The following NBAS variants were observed in gnomAD, a reference collection of about 807,000 sequenced individuals.
The protein encoded by NBAS is NAG/BC035112 fusion.
In NBAS, 219 loss-of-function variants were observed where a neutral mutation model predicts 302.5. The observed-to-expected ratio is 0.72, with a 90% CI of 0.65 to 0.81. The LOEUF (loss-of-function observed/expected upper bound fraction) is 0.81, where lower values mean the gene tolerates loss of function less well. Among genes scored for constraint, NBAS ranks in the 30% least tolerant of loss-of-function variants. NBAS has a pLI of 0.00. For missense variants in NBAS, 2,932 were observed against 2,841.6 expected, an observed-to-expected ratio of 1.03 and a Z score of -0.72; for synonymous variants, 1,118 against 1,021.6, an observed-to-expected ratio of 1.09 and a Z score of -1.80.
chr2:14,840,170 C>G, the NBAS span, among the ~76,000 whole-genome samples: 1 of 151,542 alleles, frequency 6.6e-6, no homozygotes, highest in Non-Finnish European at 1.5e-5. Flanking sequence ...CTCTCAGAAG[C>G]ATAATATTTC....
the NBAS span, among the ~76,000 whole-genome samples, chr2:14,977,764 T>G: frequency 2.6e-5 from 4 of 152,290 alleles, no homozygotes; most frequent in African/African-American, 9.6e-5. Context: ...AGGGTCAAGT[T>G]TCTCTTAGTC....
chr2:15,327,762 G>A lies in NBAS; in HGVS notation c.4570C>T (p.Pro1524Ser). Residue 1524 changes from proline (P) to serine (S), a missense_variant, in exon 38 of 52, where the codon CCA (proline) becomes TCA (serine). By Grantham distance (74) the Pro-to-Ser change is moderately conservative. Coordinates refer to ENST00000281513, the MANE Select transcript of NBAS (RefSeq NM_015909.4). ...CCTTCTCTCTTACCTTCAGTTGTTG[G>A]AAATACTTCTCCTTTATTTTTAGCC... ...AEAKNKGEVF[P>S]TTEVLLQLAS... 1.2e-6 allele frequency: 2 copies of A among 1,613,548 alleles called. No individual in the cohort carries two copies. The highest frequency in any genetic ancestry group is 1.1e-5 in the South Asian group (1 of 91,058).
chr2:15,441,925 A>G (rs1377238303), intron 21 of NBAS, among the ~76,000 whole-genome samples: 3 of 150,032 alleles, frequency 2.0e-5, no homozygotes, highest in East Asian at 1.9e-4. Flanking sequence ...ATTACATAAT[A>G]GTAAAGGGAT....
At chr2:15,489,314 C>T (rs1438886836) in intron 11 of NBAS, among the ~76,000 whole-genome samples, 1 of 152,046 alleles carries the variant, frequency 6.6e-6, no homozygotes, top group Non-Finnish European at 1.5e-5. Flanking sequence ...TATTTCTTCA[C>T]ATATCAATTA....
the NBAS span, among the ~76,000 whole-genome samples, chr2:14,840,108 GA>G: frequency 6.6e-6 from 1 of 151,714 alleles, no homozygotes; most frequent in Non-Finnish European, 1.5e-5. Context: ...AAATCAAACA[GA>G]AATCTTGGAA....
chr2:14,838,049 G>A, the NBAS span, among the ~76,000 whole-genome samples: 5 of 151,808 alleles, frequency 3.3e-5, no homozygotes, highest in Non-Finnish European at 7.4e-5. Flanking sequence ...TCTAACTGGA[G>A]CTGGTTTGTT....
chr2:15,324,714 C>G (rs1190331691), intron 38 of NBAS, among the ~76,000 whole-genome samples: 2 of 152,194 alleles, frequency 1.3e-5, no homozygotes, highest in African/African-American at 4.8e-5. Flanking sequence ...AGGGCTAGCA[C>G]ACAGGTGGCT....
intron 21 of NBAS, among the ~76,000 whole-genome samples, chr2:15,445,082 T>C (rs1268131991): frequency 5.9e-5 from 9 of 151,780 alleles, no homozygotes; most frequent in Admixed American, 2.6e-4. Flanking sequence ...TCAACCACTG[T>C]GGAAGTCAGT....
intron 51 of NBAS, among the ~76,000 whole-genome samples, chr2:15,176,888 A>G (rs553312897): frequency 1.3e-5 from 2 of 152,332 alleles, no homozygotes; most frequent in South Asian, 2.1e-4. Context: ...CGTGAATTTA[A>G]AATTATCTCA....
the NBAS span, among the ~76,000 whole-genome samples, chr2:14,858,251 G>A: frequency 1.3e-5 from 2 of 152,080 alleles, no homozygotes; most frequent in African/African-American, 4.8e-5. Flanking sequence ...GAACAGTTTG[G>A]AGGTTCCTCA....
chr2:15,454,831 G>T (rs1679176240), intron 21 of NBAS, among the ~76,000 whole-genome samples: 1 of 151,662 alleles, frequency 6.6e-6, no homozygotes, highest in Non-Finnish European at 1.5e-5. Context: ...TCTTCTCCAG[G>T]TATTTTTCAA....
the NBAS span, among the ~76,000 whole-genome samples, chr2:14,790,072 A>T: frequency 6.6e-6 from 1 of 152,328 alleles, no homozygotes; most frequent in South Asian, 2.1e-4. Context: ...CACTGAAGAA[A>T]CCAAATTACA....
the NBAS span, among the ~76,000 whole-genome samples, chr2:15,146,820 G>A: frequency 6.6e-6 from 1 of 152,112 alleles, no homozygotes; most frequent in Non-Finnish European, 1.5e-5. Context: ...ACAACAGAGT[G>A]AGCACGACCC....
intron 31 of NBAS, among the ~76,000 whole-genome samples, chr2:15,371,529 C>G (rs1159477362): frequency 2.6e-5 from 4 of 152,162 alleles, no homozygotes; most frequent in Non-Finnish European, 5.9e-5. Context: ...AGGACTGTGT[C>G]AGGAATATTT....
the NBAS span, among the ~76,000 whole-genome samples, chr2:15,054,171 A>G: frequency 6.6e-6 from 1 of 152,152 alleles, no homozygotes; most frequent in East Asian, 1.9e-4. Flanking sequence ...AGCTCTTCAC[A>G]CACTCTCTTT....
At chr2:15,332,848 T>C (rs1039357221) in intron 35 of NBAS, among the ~76,000 whole-genome samples, 1 of 152,220 alleles carries the variant, frequency 6.6e-6, no homozygotes. Flanking sequence ...ATTGTCTTAC[T>C]GTTGCTAGAA....
At chr2:15,216,644 A>G (rs574231118) in intron 48 of NBAS, among the ~76,000 whole-genome samples, 7 of 152,368 alleles carry the variant, frequency 4.6e-5, no homozygotes, top group African/African-American at 1.7e-4. Flanking sequence ...TTTCTTGAGT[A>G]ATTAGAACAT....
chr2:15,519,675 G>A (rs1480966749), intron 9 of NBAS, among the ~76,000 whole-genome samples: 3 of 152,030 alleles, frequency 2.0e-5, no homozygotes, highest in African/African-American at 7.2e-5. Context: ...AAACTCCTAG[G>A]TGCAAATGAC....
At chr2:15,026,074 C>T in the NBAS span, among the ~76,000 whole-genome samples, 4 of 152,118 alleles carry the variant, frequency 2.6e-5, no homozygotes, top group Non-Finnish European at 4.4e-5. Context: ...GTGGGTTTGT[C>T]ATAGATGGCC....
Sources: allele counts gnomAD v4.1 joint callset (sites outside exome capture counted in the v4.1 genomes callset), GRCh38; gene constraint gnomAD v4.1.1; transcripts MANE v1.5; gene names NCBI Gene and HGNC (gene_info 2026-07-23, HGNC 2026-07-21).